The following PHEX variants were observed in gnomAD, a reference collection of about 807,000 sequenced individuals.
PHEX encodes phosphate-regulating neutral endopeptidase PHEX.
Under a neutral mutation model 68.0 loss-of-function variants are expected in PHEX, and 16 were observed. The observed-to-expected ratio is 0.24, with a 90% CI of 0.16 to 0.36. The LOEUF is 0.36. Ranked by LOEUF, PHEX falls within the 10% of genes least tolerant of loss-of-function variation. The pLI is 1.00. For synonymous variants in PHEX, 208 were observed against 205.1 expected (o/e 1.01, Z -0.12); for missense variants, 480 against 575.5 (o/e 0.83, Z 1.70).
chrX:22,249,455 A>AAAAAAAATATATATATATATATATAT lies in PHEX; in HGVS notation c.*1503_*1504insAAAAAATATATATATATATATATATA. 1 of 39,760 alleles carries AAAAAAAATATATATATATATATATAT rather than the reference A, an allele frequency of 2.5e-5. No individual in the cohort carries two copies. The highest frequency in any genetic ancestry group is 1.7e-4 in the African/African-American group (1 of 6,019). 3.3% of individuals were successfully genotyped at this position (39,760 alleles called of 1,213,427 possible). A position where few individuals can be genotyped will look rare whatever the true frequency, so the allele number is the denominator to read the frequency against. On this transcript the variant is annotated 3_prime_UTR_variant, in exon 22 of 22. Transcript: ENST00000379374. Reference sequence around the variant, plus strand: ...TTGTGATTCTTTTAAAAAAAAAAAAAATATATATATATATATATATATATA... The same window carrying AAAAAAAATATATATATATATATATAT: ...TTGTGATTCTTTTAAAAAAAAAAAAAAAAAAAATATATATATATATATATATATATATATATATATATATATATATA...
intron 3 of PHEX, among the ~76,000 whole-genome samples, chrX:22,069,951 A>G (rs1928821864): frequency 8.9e-6 from 1 of 111,894 alleles, no homozygotes; most frequent in Non-Finnish European, 1.9e-5. Context: ...TTAAGTGCAT[A>G]AGGGTTTAAT....
At chrX:22,208,990 C>T (rs943319535) in intron 15 of PHEX, among the ~76,000 whole-genome samples, 1 of 112,097 alleles carries the variant, frequency 8.9e-6, no homozygotes, top group Middle Eastern at 4.6e-3. Flanking sequence ...TGGGTAAATA[C>T]ACAAACGCTA....
chrX:22,159,201 T>C (rs772075373), intron 12 of PHEX, among the ~76,000 whole-genome samples: 1 of 113,776 alleles, frequency 8.8e-6, no homozygotes, highest in East Asian at 2.8e-4. Flanking sequence ...CTAGCCCCTG[T>C]GTCATGAATT....
intron 20 of PHEX, among the ~76,000 whole-genome samples, chrX:22,237,694 T>A (rs1936029813): frequency 8.9e-6 from 1 of 112,225 alleles, no homozygotes; most frequent in African/African-American, 3.2e-5. Context: ...CTGTCCTTCC[T>A]CTCCCACTGC....
Position 22,047,038 on chromosome X carries a change from C to A in PHEX, c.188-12C>A. 2.5e-6 allele frequency: 3 copies of A among 1,197,011 alleles called. No individual in the cohort carries two copies. On this transcript the variant is annotated splice_polypyrimidine_tract_variant and intron_variant, in intron 2 of 21. Transcript: ENST00000379374. ...TGCTTGTCATTAATCCTATGATTTT[C>A]TTTCTAAATAGCTGCTGCCATCTTA... is the stretch of plus-strand genomic sequence containing the variant.
intron 14 of PHEX, among the ~76,000 whole-genome samples, chrX:22,184,667 T>C (rs60797663): frequency 0.058 from 6,413 of 111,485 alleles, 407 homozygotes; most frequent in East Asian, 0.2. Flanking sequence ...ATAGAGGATT[T>C]ACTTACTGCT....
In PHEX at chrX:22,111,632, G is replaced by A. The variant is rs1930975132; in HGVS notation, c.1173+72G>A. 7 of 790,767 alleles carry A rather than the reference G, an allele frequency of 8.9e-6. 1 individual carries two copies. The South Asian group carries it at 1.2e-4, about 14-fold the overall frequency. The allele number at this position is 790,767 out of a possible 1,213,427, so 65.2% of individuals were successfully genotyped here. A position where few individuals can be genotyped will look rare whatever the true frequency, so the allele number is the denominator to read the frequency against. ...TGCTGGAATAGTCCATATATTAACTGATCCAGTAAAAATCATCTTTAGGGA... is the reference window on the plus strand; with the variant it reads ...TGCTGGAATAGTCCATATATTAACTAATCCAGTAAAAATCATCTTTAGGGA... On this transcript the variant is annotated intron_variant, in intron 10 of 21. Transcript: ENST00000379374.
chrX:22,235,387 CA>C (rs1189534721), intron 20 of PHEX, among the ~76,000 whole-genome samples: 1 of 112,222 alleles, frequency 8.9e-6, no homozygotes. Flanking sequence ...GCTGCTATAA[CA>C]AAGTGTCATA....
chrX:22,077,828 A>G, intron 5 of PHEX, 126 bp downstream of exon 5: 1 of 527,731 alleles, frequency 1.9e-6, no homozygotes, highest in Non-Finnish European at 3.4e-6. Context: ...ATTGAATAGT[A>G]GAATCCAGAA....
chrX:22,154,471 C>T (rs1003499654), intron 12 of PHEX, among the ~76,000 whole-genome samples: 1 of 111,241 alleles, frequency 9.0e-6, no homozygotes, highest in Non-Finnish European at 1.9e-5. Flanking sequence ...ATGTTACACA[C>T]CTGGAGACAT....
At position 22,093,977 on chromosome X, in the gene PHEX, T is replaced by A. The variant is rs757256702; in HGVS notation, c.733-6T>A. 8.9e-6 allele frequency: 10 copies of A among 1,121,666 alleles called. No homozygotes were observed. In the Admixed American group the frequency reaches 2.2e-4, roughly 25 times the overall value. The allele number at this position is 1,121,666 out of a possible 1,213,427, so 92.4% of individuals were successfully genotyped here. ...TCATGGTCACTTTGTTCTTTATTTC[T>A]TACAGTATCGGGATGCCCTTTACAA... On this transcript the variant is annotated splice_polypyrimidine_tract_variant and splice_region_variant and intron_variant, in intron 6 of 21. Transcript: ENST00000379374.
chrX:22,232,353 A>AGTGTTGGC (rs1484692209), intron 20 of PHEX, among the ~76,000 whole-genome samples: 4 of 109,410 alleles, frequency 3.7e-5, no homozygotes, highest in Non-Finnish European at 7.7e-5. Context: ...CCATTTATCT[A>AGTGTTGGC]ATATTGACAG....
chrX:22,150,644 G>A lies in PHEX; in HGVS notation c.1404+17020G>A, dbSNP rs767280852. Among the ~76,000 whole-genome samples the A allele has an allele frequency of 2.7e-5, 3 of 112,181 alleles. No individual in the cohort carries two copies. In the East Asian group the frequency reaches 8.4e-4, roughly 31 times the overall value. ...GCAGTATCCTGAATTTATTTTACAG[G>A]CTGTGACTTGCCAACTTGGTCTAGA... is the stretch of plus-strand genomic sequence containing the variant. On this transcript the variant is annotated intron_variant, in intron 12 of 21. Coordinates refer to ENST00000379374, the MANE Select transcript of PHEX (RefSeq NM_000444.6).
chrX:22,223,391 C>T (rs1935332579), intron 18 of PHEX, among the ~76,000 whole-genome samples: 1 of 110,789 alleles, frequency 9.0e-6, no homozygotes, highest in Admixed American at 9.6e-5. Flanking sequence ...TGAGGCAGAC[C>T]AGAGTTCAAG....
rs763750215 is a variant in PHEX at position 22,186,753 on chromosome X, C to T, written c.1587-3691C>T. On this transcript the variant is annotated intron_variant, in intron 14 of 21. Coordinates refer to ENST00000379374, the MANE Select transcript of PHEX (RefSeq NM_000444.6). ...GATGTTTTCGTTATTCTTGTTGAAGCTTCAGAAGCCCCATTAAGGTCTAGT... is the reference window on the plus strand; with the variant it reads ...GATGTTTTCGTTATTCTTGTTGAAGTTTCAGAAGCCCCATTAAGGTCTAGT... 4.5e-5 allele frequency among the ~76,000 whole-genome samples: 5 copies of T among 112,061 alleles called. No individual in the cohort carries two copies. The South Asian group carries it at 1.1e-3, about 25-fold the overall frequency.
intron 12 of PHEX, chrX:22,163,055 C>T (rs1211748876): frequency 2.7e-5 from 3 of 111,540 alleles, no homozygotes; most frequent in African/African-American, 9.8e-5. Context: ...ATGGGTTGCT[C>T]CTGGTATCTA....
intron 15 of PHEX, among the ~76,000 whole-genome samples, chrX:22,201,421 G>A (rs926136328): frequency 1.8e-5 from 2 of 111,553 alleles, no homozygotes; most frequent in African/African-American, 3.3e-5. Context: ...TTGACCTCAA[G>A]TGATCCACCT....
chrX:22,099,086 T>C lies in PHEX; in HGVS notation c.1014T>C (p.Asn338=), dbSNP rs149793221. 9 of 1,205,409 alleles carry C rather than the reference T, an allele frequency of 7.5e-6. No homozygotes were observed. Among genetic ancestry groups the C allele is most frequent in the Admixed American group, 2.2e-5 (1 of 45,588 alleles). The change falls in exon 9 of 22, where the codon AAT becomes AAC. Residue 338 remains asparagine, a synonymous_variant. Coordinates refer to ENST00000379374, the MANE Select transcript of PHEX (RefSeq NM_000444.6). ...TGAAAGACATCAGCCCCTCCGAGAA[T>C]GTGGTGGTCCGCGTCCCGCAGTACT... is the stretch of plus-strand genomic sequence containing the variant. ...PHLKDISPSE[N]VVVRVPQYFK... is the part of the protein sequence containing the mutation.
At chrX:22,075,285 C>CCTTTTTTTTTTTTTTTTT (rs1929102577) in intron 3 of PHEX, among the ~76,000 whole-genome samples, 1 of 62,353 alleles carries the variant, frequency 1.6e-5, no homozygotes, top group Non-Finnish European at 3.0e-5. Flanking sequence ...CTCTGGGTTG[C>CCTTTTTTTTTTTTTTTTT]TTTTTTTTTT....
Sources: allele counts gnomAD v4.1 joint callset (sites outside exome capture counted in the v4.1 genomes callset), GRCh38; gene constraint gnomAD v4.1.1; transcripts MANE v1.5; gene names NCBI Gene and HGNC (gene_info 2026-07-23, HGNC 2026-07-21).